The following CCDC146 variants were observed in gnomAD, a reference collection of about 807,000 sequenced individuals.
CCDC146 encodes coiled-coil domain-containing protein 146.
A neutral mutation model predicts 119.3 loss-of-function variants in CCDC146; 92 were observed. The ratio of observed to expected loss-of-function variants is 0.77; its 90% CI spans 0.65 to 0.92. The LOEUF (loss-of-function observed/expected upper bound fraction) is 0.92. Ranked by LOEUF, CCDC146 falls within the 40% of genes least tolerant of loss-of-function variation. CCDC146 has a pLI of 0.00. For synonymous variants in CCDC146, 372 were observed against 371.8 expected, an observed-to-expected ratio of 1.00 and a Z score of -0.01; for missense variants, 1,000 against 1,103.0, an observed-to-expected ratio of 0.91 and a Z score of 1.32.
intron 1 of CCDC146, among the ~76,000 whole-genome samples, chr7:77,166,607 T>G (rs1791340978): frequency 6.6e-6 from 1 of 151,928 alleles, no homozygotes; most frequent in African/African-American, 2.4e-5. Flanking sequence ...TATATAAAAT[T>G]GTGACATCAA....
At chr7:77,269,695 G>A (rs1045517131) in intron 9 of CCDC146, among the ~76,000 whole-genome samples, 1 of 152,208 alleles carries the variant, frequency 6.6e-6, no homozygotes, top group Admixed American at 6.5e-5. Flanking sequence ...AGCACCCATT[G>A]AATATAAAAC....
intron 2 of CCDC146, among the ~76,000 whole-genome samples, chr7:77,210,298 A>G (rs1424904207): frequency 6.6e-6 from 1 of 152,200 alleles, no homozygotes. Context: ...ACCCTAAATC[A>G]TCTCTCTCAA....
chr7:77,209,368 C>G (rs1353161640), intron 2 of CCDC146, among the ~76,000 whole-genome samples: 1 of 152,252 alleles, frequency 6.6e-6, no homozygotes, highest in Non-Finnish European at 1.5e-5. Context: ...GACTTCATGT[C>G]TCACATCCAA....
intron 15 of CCDC146, among the ~76,000 whole-genome samples, chr7:77,285,343 G>A (rs1793829743): frequency 6.6e-6 from 1 of 152,118 alleles, no homozygotes; most frequent in Admixed American, 6.6e-5. Context: ...TACAACAAAT[G>A]CTTGATTACA....
chr7:77,262,207 A>T lies in CCDC146; in HGVS notation c.1073A>T (p.Glu358Val), dbSNP rs1562852736. ...DELSRKQREK[E>V]RDFRNLRKME... is the part of the protein sequence containing the mutation. Reference sequence around the variant, plus strand: ...CTTTCTCGTAAGCAAAGAGAGAAAGAACGAGATTTTCGAAATTTAAGAAAG... The same window carrying T: ...CTTTCTCGTAAGCAAAGAGAGAAAGTACGAGATTTTCGAAATTTAAGAAAG... Residue 358 changes from glutamate (E) to valine (V), a missense_variant, in exon 9 of 19, where the codon GAA (glutamate) becomes GTA (valine). By Grantham distance (121) the Glu-to-Val change is moderately radical (BLOSUM62 -2). Around this residue, in one of 2 missense-constraint regions of CCDC146, gnomAD observed 985 missense variants for 1,045.3 expected, o/e 0.94. Coordinates refer to ENST00000285871, the MANE Select transcript of CCDC146 (RefSeq NM_020879.3). 6.2e-7 allele frequency: 1 copy of T among 1,614,032 alleles called. No homozygotes were observed.
Position 77,286,798 on chromosome 7 carries a change from T to A in CCDC146, c.2149T>A (p.Phe717Ile). 1 of 1,613,100 alleles carries A rather than the reference T, an allele frequency of 6.2e-7. No individual in the cohort carries two copies. Among genetic ancestry groups the A allele is most frequent in the Non-Finnish European group, 8.5e-7 (1 of 1,179,528 alleles). Residue 717 changes from phenylalanine to isoleucine, a missense_variant and splice_region_variant, in exon 16 of 19, where the codon TTT (phenylalanine) becomes ATT (isoleucine). By Grantham distance (21) the Phe-to-Ile change is conservative. This residue lies in a region of CCDC146 where 985 missense variants were observed against 1,045.3 expected (regional missense o/e 0.94). Transcript: ENST00000285871. ...DADLAVLQIQ[F>I]SQCTDRIKDL... ...AAAGTTAATGTTTTTTTCTTAATAG[T>A]TTTCACAGTGTACAGACAGAATTAA...
chr7:77,294,207 A>C (rs1224385443), intron 18 of CCDC146, among the ~76,000 whole-genome samples: 1 of 152,206 alleles, frequency 6.6e-6, no homozygotes, highest in Non-Finnish European at 1.5e-5. Flanking sequence ...ACCAAAGGAA[A>C]TATGTTGCTC....
intron 10 of CCDC146, 115 bp downstream of exon 10, chr7:77,273,904 C>A: frequency 7.2e-6 from 4 of 558,546 alleles, no homozygotes; most frequent in Non-Finnish European, 1.3e-5. Flanking sequence ...AGAGTATGAT[C>A]CTGCTTCATG....
rs141172282 is a variant in CCDC146 at position 77,228,204 on chromosome 7, C to T, written c.157-8743C>T. On this transcript the variant is annotated intron_variant, in intron 2 of 18. Coordinates refer to ENST00000285871, the MANE Select transcript of CCDC146 (RefSeq NM_020879.3). ...TAGTGATACAAGTGCAGGTTTGTTACGTAGGTAAACTTGTATCATGGAGGT... is the reference window on the plus strand; with the variant it reads ...TAGTGATACAAGTGCAGGTTTGTTATGTAGGTAAACTTGTATCATGGAGGT... Among the ~76,000 whole-genome samples the T allele has an allele frequency of 2.2e-3, 337 of 152,292 alleles. 1 individual carries two copies. Among genetic ancestry groups the T allele is most frequent in the African/African-American group, 7.2e-3 (300 of 41,562 alleles).
intron 2 of CCDC146, among the ~76,000 whole-genome samples, chr7:77,191,765 C>T (rs1791769365): frequency 6.6e-6 from 1 of 151,958 alleles, no homozygotes; most frequent in Admixed American, 6.6e-5. Context: ...AACAAATTAG[C>T]TGGGTGTGGT....
intron 1 of CCDC146, among the ~76,000 whole-genome samples, chr7:77,153,055 T>C (rs1312167078): frequency 1.3e-5 from 2 of 152,140 alleles, no homozygotes; most frequent in Non-Finnish European, 1.5e-5. Flanking sequence ...AACTTCAAAG[T>C]AGTTCTTTCC....
At chr7:77,163,664 T>C (rs1791296481) in intron 1 of CCDC146, among the ~76,000 whole-genome samples, 1 of 152,092 alleles carries the variant, frequency 6.6e-6, no homozygotes, top group Non-Finnish European at 1.5e-5. Context: ...TAGGATATAT[T>C]ATTAAGTCTA....
At chr7:77,288,319 T>G (rs973385435) in intron 17 of CCDC146, among the ~76,000 whole-genome samples, 11 of 152,234 alleles carry the variant, frequency 7.2e-5, no homozygotes, top group Non-Finnish European at 1.3e-4. Context: ...GCTGGGTAAC[T>G]GATAAAGAAA....
chr7:77,179,430 A>G (rs1193353209), intron 2 of CCDC146, among the ~76,000 whole-genome samples: 2 of 152,174 alleles, frequency 1.3e-5, no homozygotes, highest in East Asian at 3.8e-4. Flanking sequence ...TAGAACATCT[A>G]TGCACAAAGA....
At chr7:77,209,643 G>T (rs1792145280) in intron 2 of CCDC146, among the ~76,000 whole-genome samples, 1 of 152,234 alleles carries the variant, frequency 6.6e-6, no homozygotes, top group East Asian at 1.9e-4. Flanking sequence ...AACTGCCATA[G>T]TAGAGGTTCT....
At chr7:77,210,725 A>T (rs1189017385) in intron 2 of CCDC146, among the ~76,000 whole-genome samples, 1 of 152,206 alleles carries the variant, frequency 6.6e-6, no homozygotes, top group Non-Finnish European at 1.5e-5. Context: ...ATTGGCTCAT[A>T]GTTCCACAGG....
intron 1 of CCDC146, among the ~76,000 whole-genome samples, chr7:77,151,678 A>T (rs1298252582): frequency 6.6e-6 from 1 of 152,006 alleles, no homozygotes; most frequent in Non-Finnish European, 1.5e-5. Flanking sequence ...CTCCTCCTGG[A>T]CATAAGACCT....
At position 77,280,594 on chromosome 7, in the gene CCDC146, AGAG is replaced by A. The variant is rs780206602; in HGVS notation, c.1864_1866del (p.Glu622del). ...TTGCCAACACGATCACAATGATCGA[AGAG>A]GAGATGGTGCAGCTTCGCAAAAGAT... On this transcript the variant is annotated inframe_deletion, in exon 14 of 19. Coordinates refer to ENST00000285871, the MANE Select transcript of CCDC146 (RefSeq NM_020879.3). 5 of 1,614,052 alleles carry A rather than the reference AGAG, an allele frequency of 3.1e-6. No individual in the cohort carries two copies. The African/African-American group carries it at 5.3e-5, about 17-fold the overall frequency.
In CCDC146 at chr7:77,167,718, A is replaced by C. The variant is rs1429096281; in HGVS notation, c.50A>C (p.Asp17Ala). 1.2e-6 allele frequency: 2 copies of C among 1,607,958 alleles called. No individual in the cohort carries two copies. Among genetic ancestry groups the C allele is most frequent in the East Asian group, 2.2e-5 (1 of 44,624 alleles). The change falls in exon 2 of 19, where the codon GAT becomes GCT. Residue 17 changes from aspartate (D) to alanine (A), a missense_variant. Physicochemically the swap from Asp to Ala is moderately radical, Grantham distance 126 (BLOSUM62 -2). Coordinates refer to ENST00000285871, the MANE Select transcript of CCDC146 (RefSeq NM_020879.3). ...GAAAAAGAAGAGGAAGAGGAGAAAG[A>C]TGAAAAGGATCAAGAGCCCATTTAT... ...DTEKEEEEEK[D>A]EKDQEPIYAI...
Sources: allele counts gnomAD v4.1 joint callset (sites outside exome capture counted in the v4.1 genomes callset), GRCh38; gene constraint gnomAD v4.1.1; regional missense constraint gnomAD v4.1.1; transcripts MANE v1.5; gene names NCBI Gene and HGNC (gene_info 2026-07-23, HGNC 2026-07-21).